Variants in SLCO6A1 observed in about 807,000 individuals in gnomAD.
The protein encoded by SLCO6A1 is solute carrier organic anion transporter family member 6A1, also known as cancer/testis antigen 48.
In SLCO6A1, 65 loss-of-function variants were observed where a neutral mutation model predicts 72.7. The ratio of observed to expected loss-of-function variants is 0.89; its 90% CI spans 0.73 to 1.10. The LOEUF is 1.10. Among genes scored for constraint, SLCO6A1 ranks in the 50% least tolerant of loss-of-function variants. The probability of loss-of-function intolerance (pLI) is 0.00; values close to 1 mark genes in which losing one functional copy is unlikely to be tolerated. For synonymous variants in SLCO6A1, 314 were observed against 298.2 expected, an observed-to-expected ratio of 1.05 and a Z score of -0.55; for missense variants, 874 against 872.6, an observed-to-expected ratio of 1.00 and a Z score of -0.02.
At chr5:102,413,282 T>A (rs2112589963) in intron 8 of SLCO6A1, 139 bp from the exon 9 acceptor site, 2 of 737,058 alleles carry the variant, frequency 2.7e-6, no homozygotes, top group South Asian at 2.3e-5. Flanking sequence ...AGGTCTGAGG[T>A]ACAATAGACT....
chr5:102,420,822 C>T (rs1748553283), intron 7 of SLCO6A1, among the ~76,000 whole-genome samples: 1 of 152,052 alleles, frequency 6.6e-6, no homozygotes, highest in Admixed American at 6.6e-5. Flanking sequence ...TTTTAGAATG[C>T]TTAGAAAGAT....
At chr5:102,478,002 T>G in intron 2 of SLCO6A1, 141 bp from the exon 3 acceptor site, 1 of 792,636 alleles carries the variant, frequency 1.3e-6, no homozygotes, top group Non-Finnish European at 2.0e-6. Context: ...TTACATTGAA[T>G]GTAGTAGTAC....
intron 9 of SLCO6A1, among the ~76,000 whole-genome samples, chr5:102,401,591 G>A (rs1747400332): frequency 6.6e-6 from 1 of 152,094 alleles, no homozygotes; most frequent in African/African-American, 2.4e-5. Flanking sequence ...CAAATTCAGA[G>A]TTTACTTTGA....
At chr5:102,377,899 CTT>C (rs34866181) in intron 12 of SLCO6A1, among the ~76,000 whole-genome samples, 87,926 of 145,314 alleles carry the variant, frequency 0.61, 26,661 homozygotes, top group Non-Finnish European at 0.66. Context: ...GTCTTAAACT[CTT>C]TTTTTTTTTT....
At chr5:102,463,915 G>C (rs1398153802) in intron 4 of SLCO6A1, among the ~76,000 whole-genome samples, 1 of 151,056 alleles carries the variant, frequency 6.6e-6, no homozygotes, top group Non-Finnish European at 1.5e-5. Flanking sequence ...AAAAAAACAG[G>C]AACAAAATAA....
intron 12 of SLCO6A1, among the ~76,000 whole-genome samples, chr5:102,387,836 A>G (rs1265652569): frequency 3.9e-5 from 6 of 152,296 alleles, no homozygotes; most frequent in Admixed American, 2.0e-4. Context: ...TAGGCAGTAC[A>G]ATATCCTCAT....
At chr5:102,489,250 A>G (rs1752569855) in intron 1 of SLCO6A1, among the ~76,000 whole-genome samples, 1 of 152,180 alleles carries the variant, frequency 6.6e-6, no homozygotes, top group South Asian at 2.1e-4. Flanking sequence ...ATCTCTGGAG[A>G]AGGATGACTC....
chr5:102,378,189 A>C (rs1561410590), intron 12 of SLCO6A1, among the ~76,000 whole-genome samples: 1 of 152,068 alleles, frequency 6.6e-6, no homozygotes, highest in Non-Finnish European at 1.5e-5. Context: ...TTTAGGGTAC[A>C]TAAGAAAATG....
At chr5:102,475,569 T>C (rs1751852155) in intron 4 of SLCO6A1, 128 bp downstream of exon 4, 1 of 557,004 alleles carries the variant, frequency 1.8e-6, no homozygotes, top group Non-Finnish European at 3.1e-6. Context: ...ATATGTCACA[T>C]TTGCATATAT....
At chr5:102,395,185 C>G (rs1043925502) in intron 10 of SLCO6A1, among the ~76,000 whole-genome samples, 1 of 151,108 alleles carries the variant, frequency 6.6e-6, no homozygotes, top group African/African-American at 2.4e-5. Flanking sequence ...TGCTATCCCT[C>G]CCACCTCCCC....
intron 10 of SLCO6A1, chr5:102,391,334 G>T: frequency 2.8e-6 from 1 of 357,328 alleles, no homozygotes; most frequent in Non-Finnish European, 5.1e-6. Flanking sequence ...GAAAGACTTA[G>T]CACTAGATTT....
intron 9 of SLCO6A1, among the ~76,000 whole-genome samples, chr5:102,408,388 A>G (rs1441069119): frequency 6.6e-6 from 1 of 152,104 alleles, no homozygotes; most frequent in East Asian, 1.9e-4. Flanking sequence ...TACAGGAAAG[A>G]GAGAGAGAGG....
At chr5:102,487,044 C>T (rs1159786696) in intron 1 of SLCO6A1, among the ~76,000 whole-genome samples, 1 of 152,064 alleles carries the variant, frequency 6.6e-6, no homozygotes, top group Non-Finnish European at 1.5e-5. Context: ...GGGGTGAATT[C>T]ATTTACAGCT....
intron 12 of SLCO6A1, among the ~76,000 whole-genome samples, chr5:102,387,091 G>A (rs1313012070): frequency 2.6e-5 from 4 of 152,104 alleles, no homozygotes; most frequent in African/African-American, 7.2e-5. Flanking sequence ...AAATGTTTCT[G>A]TGAGGGAAGA....
rs1748506616 is a variant in SLCO6A1 at position 102,420,029 on chromosome 5, A to C, written c.1277-8T>G. On this transcript the variant is annotated splice_polypyrimidine_tract_variant and splice_region_variant and intron_variant, in intron 7 of 13. Transcript: ENST00000506729. ...CTGGAATTAAAACAAGTCCTAAAAA[A>C]AAGGAGGAGAAAAACACAGTTAAAA... 6.4e-7 allele frequency: 1 copy of C among 1,558,712 alleles called. No individual in the cohort carries two copies. Among genetic ancestry groups the C allele is most frequent in the Non-Finnish European group, 8.6e-7 (1 of 1,161,580 alleles).
chr5:102,449,624 G>C (rs1750304825), intron 6 of SLCO6A1, among the ~76,000 whole-genome samples: 1 of 152,084 alleles, frequency 6.6e-6, no homozygotes, highest in Non-Finnish European at 1.5e-5. Flanking sequence ...CTGACCTCGT[G>C]ATCCGCCCGC....
rs572158380 is a variant in SLCO6A1 at position 102,414,483 on chromosome 5, A to C, written c.1473-1340T>G. On this transcript the variant is annotated intron_variant, in intron 8 of 13. Transcript: ENST00000506729. ...ATGATACAATCTTAGGCCTAGAAAA[A>C]CCTAAAGATGCCAATAAAAATCTCT... Among the ~76,000 whole-genome samples the C allele has an allele frequency of 2.0e-5, 3 of 152,294 alleles. No homozygotes were observed. The East Asian group carries it at 5.8e-4, about 29-fold the overall frequency.
chr5:102,442,780 C>T (rs1325076238), intron 6 of SLCO6A1, among the ~76,000 whole-genome samples: 3 of 152,128 alleles, frequency 2.0e-5, no homozygotes, highest in Non-Finnish European at 4.4e-5. Flanking sequence ...AATGAGACAA[C>T]GGGTTGCGCG....
At chr5:102,465,942 T>C (rs964548931) in intron 4 of SLCO6A1, among the ~76,000 whole-genome samples, 1 of 152,160 alleles carries the variant, frequency 6.6e-6, no homozygotes, top group South Asian at 2.1e-4. Context: ...CTGTCTCTAC[T>C]ATACAGCAGA....
Sources: allele counts gnomAD v4.1 joint callset (sites outside exome capture counted in the v4.1 genomes callset), GRCh38; gene constraint gnomAD v4.1.1; transcripts MANE v1.5; gene names NCBI Gene and HGNC (gene_info 2026-07-23, HGNC 2026-07-21).